The following NKAIN3 variants were observed in gnomAD, a reference collection of about 807,000 sequenced individuals.
NKAIN3 encodes the protein sodium/potassium-transporting ATPase subunit beta-1-interacting protein 3.
Under a neutral mutation model 30.2 loss-of-function variants are expected in NKAIN3, and 25 were observed. That is an observed-to-expected ratio of 0.83 (90% CI 0.60 to 1.16). NKAIN3 has a LOEUF of 1.16. Ranked by LOEUF, NKAIN3 falls within the 50% of genes most tolerant of loss-of-function variation. The pLI is 0.00. For missense variants in NKAIN3, 225 were observed against 254.1 expected (o/e 0.89, Z 0.78); for synonymous variants, 91 against 89.6 (o/e 1.02, Z -0.09).
rs566783585 is a variant in NKAIN3, at chr8:62,893,908, C to T, written c.472-24545C>T. 3.3e-5 allele frequency among the ~76,000 whole-genome samples: 5 copies of T among 152,230 alleles called. No homozygotes were observed. In the East Asian group the frequency reaches 9.6e-4, roughly 29 times the overall value. ...AGGCAGATGAAGATGTTTGTGCTAG[C>T]AGAAAATTCTTAAACAATCTTAATT... On this transcript the variant is annotated intron_variant, in intron 4 of 6. Coordinates refer to ENST00000623646, the MANE Select transcript of NKAIN3 (RefSeq NM_001304533.3).
chr8:62,579,829 G>A (rs567741873), intron 2 of NKAIN3, among the ~76,000 whole-genome samples, 153 bp downstream of exon 2: 1 of 152,180 alleles, frequency 6.6e-6, no homozygotes, highest in African/African-American at 2.4e-5. Flanking sequence ...GTGATTATCT[G>A]TGGAAAATAC....
At chr8:62,927,545 T>C (rs772645834) in intron 5 of NKAIN3, among the ~76,000 whole-genome samples, 1 of 152,200 alleles carries the variant, frequency 6.6e-6, no homozygotes, top group Non-Finnish European at 1.5e-5. Flanking sequence ...AGTACACTGA[T>C]TTGATCTTTG....
intron 4 of NKAIN3, among the ~76,000 whole-genome samples, chr8:62,749,332 A>G (rs977319724): frequency 1.3e-5 from 2 of 152,146 alleles, no homozygotes; most frequent in African/African-American, 4.8e-5. Context: ...ATCTAAATAA[A>G]CTGTATGTGT....
chr8:62,282,275 G>A (rs1813226026), intron 1 of NKAIN3, among the ~76,000 whole-genome samples: 1 of 152,100 alleles, frequency 6.6e-6, no homozygotes, highest in Admixed American at 6.6e-5. Flanking sequence ...ATACAGGTGG[G>A]TGGAAATCAG....
chr8:62,282,549 A>G (rs1813241096), intron 1 of NKAIN3, among the ~76,000 whole-genome samples: 1 of 152,122 alleles, frequency 6.6e-6, no homozygotes, highest in Non-Finnish European at 1.5e-5. Flanking sequence ...TATCAAAAGG[A>G]TTTGTTGACT....
intron 4 of NKAIN3, among the ~76,000 whole-genome samples, chr8:62,768,108 G>A (rs1361826222): frequency 6.6e-6 from 1 of 151,944 alleles, no homozygotes; most frequent in Admixed American, 6.6e-5. Context: ...TAACCCTCTG[G>A]GCAGGCGCAT....
intron 1 of NKAIN3, among the ~76,000 whole-genome samples, chr8:62,419,976 C>G (rs1451543019): frequency 6.6e-6 from 1 of 152,094 alleles, no homozygotes; most frequent in African/African-American, 2.4e-5. Context: ...GTGAAGGACA[C>G]TTCTATATAA....
intron 4 of NKAIN3, among the ~76,000 whole-genome samples, chr8:62,905,840 T>C (rs1038515677): frequency 5.3e-5 from 8 of 152,202 alleles, no homozygotes; most frequent in Non-Finnish European, 8.8e-5. Context: ...CAGAACTTCA[T>C]CCATGGACCC....
At chr8:62,358,495 A>G (rs926035952) in intron 1 of NKAIN3, among the ~76,000 whole-genome samples, 1 of 152,078 alleles carries the variant, frequency 6.6e-6, no homozygotes, top group Non-Finnish European at 1.5e-5. Flanking sequence ...TCCCATTTGC[A>G]TTTTTTATGC....
intron 1 of NKAIN3, among the ~76,000 whole-genome samples, chr8:62,522,430 T>G (rs1032076640): frequency 6.6e-6 from 1 of 152,116 alleles, no homozygotes; most frequent in Admixed American, 6.6e-5. Flanking sequence ...TATACTATAC[T>G]TTTTATCCCT....
chr8:62,556,553 A>G (rs1291844476), intron 1 of NKAIN3, among the ~76,000 whole-genome samples: 3 of 152,074 alleles, frequency 2.0e-5, no homozygotes, highest in Non-Finnish European at 2.9e-5. Flanking sequence ...CTGAAAAATA[A>G]GTCCAGCTAT....
intron 4 of NKAIN3, among the ~76,000 whole-genome samples, chr8:62,869,070 C>T (rs527851526): frequency 1.3e-5 from 2 of 152,176 alleles, no homozygotes; most frequent in Admixed American, 6.5e-5. Context: ...CCTTTGTTGG[C>T]ATGTCCTCTG....
At chr8:62,641,116 G>A (rs1273724939) in intron 3 of NKAIN3, among the ~76,000 whole-genome samples, 3 of 151,324 alleles carry the variant, frequency 2.0e-5, no homozygotes, top group African/African-American at 7.3e-5. Context: ...TGGGTTCATG[G>A]ATTCACTCCA....
At chr8:62,823,584 G>A (rs989015947) in intron 4 of NKAIN3, among the ~76,000 whole-genome samples, 4 of 152,134 alleles carry the variant, frequency 2.6e-5, no homozygotes, top group African/African-American at 9.7e-5. Context: ...GCTTTGAGAC[G>A]ATTAAAACAG....
At chr8:62,773,000 T>C (rs565499300) in intron 4 of NKAIN3, among the ~76,000 whole-genome samples, 9 of 152,194 alleles carry the variant, frequency 5.9e-5, no homozygotes, top group African/African-American at 1.9e-4. Flanking sequence ...TTTTTTCATA[T>C]ATATTTGTCT....
intron 1 of NKAIN3, among the ~76,000 whole-genome samples, chr8:62,312,564 T>C (rs1234153660): frequency 6.6e-6 from 1 of 150,496 alleles, no homozygotes. Context: ...ACGTCTGTAA[T>C]ACTAACACTT....
intron 4 of NKAIN3, among the ~76,000 whole-genome samples, chr8:62,749,674 C>CT (rs1816206650): frequency 6.7e-5 from 5 of 74,624 alleles, no homozygotes; most frequent in South Asian, 9.5e-4. Context: ...GTGCTTTTTT[C>CT]TTTTCTTTTT....
chr8:62,863,723 A>G, intron 4 of NKAIN3: 1 of 1,578,296 alleles, frequency 6.3e-7, no homozygotes, highest in South Asian at 1.1e-5. Flanking sequence ...ACTTTTTACA[A>G]CTTTCATTGC....
At chr8:62,614,994 C>T (rs1403634026) in intron 3 of NKAIN3, among the ~76,000 whole-genome samples, 1 of 152,180 alleles carries the variant, frequency 6.6e-6, no homozygotes, top group African/African-American at 2.4e-5. Context: ...CTCTGCACCC[C>T]TGAGGCTCTG....
Sources: gnomAD v4.1 joint callset for allele counts (sites outside exome capture counted in the v4.1 genomes callset) on GRCh38, gnomAD v4.1.1 for gene constraint, MANE v1.5 for transcripts, NCBI Gene and HGNC (gene_info 2026-07-23, HGNC 2026-07-21) for gene names.